Variants in ARPP21 observed in about 807,000 individuals in gnomAD.
ARPP21 encodes the protein cAMP regulated phosphoprotein 21, also known as cAMP-regulated phosphoprotein 21.
Under a neutral mutation model 113.2 loss-of-function variants are expected in ARPP21, and 69 were observed. The observed-to-expected ratio is 0.61, with a 90% CI of 0.50 to 0.74. The LOEUF is 0.74. ARPP21 is among the 30% of genes least tolerant of loss of function. ARPP21 has a pLI of 0.00. For missense variants in ARPP21, 1,070 were observed against 1,037.4 expected (o/e 1.03, Z -0.43); for synonymous variants, 368 against 375.5 (o/e 0.98, Z 0.23).
intron 19 of ARPP21, among the ~76,000 whole-genome samples, chr3:35,790,093 T>A (rs541924844): frequency 6.6e-6 from 1 of 152,194 alleles, no homozygotes; most frequent in Non-Finnish European, 1.5e-5. Flanking sequence ...TTGTTTACAT[T>A]GTAACTGTAT....
At chr3:35,737,105 C>G in intron 15 of ARPP21, 73 bp from the exon 16 acceptor site, 4 of 890,756 alleles carry the variant, frequency 4.5e-6, no homozygotes, top group Non-Finnish European at 7.3e-6. Flanking sequence ...TTTTGAGTAT[C>G]TAACAGAGTG....
At chr3:35,732,788 GTTCTC>G (rs2094079232) in intron 15 of ARPP21, among the ~76,000 whole-genome samples, 1 of 152,166 alleles carries the variant, frequency 6.6e-6, no homozygotes, top group Non-Finnish European at 1.5e-5. Flanking sequence ...TTTTAGAGCT[GTTCTC>G]TTTCAAATGC....
intron 1 of ARPP21, chr3:35,678,955 G>A (rs1235889356): frequency 6.6e-6 from 1 of 151,958 alleles, no homozygotes; most frequent in Non-Finnish European, 1.5e-5. Context: ...ATTATTAGGA[G>A]CCCGTCTCTG....
chr3:35,769,690 G>A (rs1027986722), intron 19 of ARPP21, among the ~76,000 whole-genome samples: 38 of 152,046 alleles, frequency 2.5e-4, no homozygotes, highest in Admixed American at 6.6e-4. Context: ...TCTTAGGTTC[G>A]CTAGGCTAAC....
chr3:35,737,348 C>T lies in ARPP21; in HGVS notation c.1630C>T (p.Pro544Ser), dbSNP rs578190764. The change falls in exon 16 of 21, where the codon CCT (proline) becomes TCT (serine). Residue 544 changes from proline (P) to serine (S), a missense_variant. By Grantham distance (74) the Pro-to-Ser change is moderately conservative (BLOSUM62 -1). Coordinates refer to ENST00000684406, the MANE Select transcript of ARPP21 (RefSeq NM_001385562.1). ...VQPPQPQMAG[P>S]LVTQSVQGLQ... ...GCCACCGCAGCCACAGATGGCAGGC[C>T]CTCTGGTCACTCAGGTAGGGGGCTG... 2.0e-5 allele frequency: 32 copies of T among 1,609,058 alleles called. No individual in the cohort carries two copies. In the South Asian group the frequency reaches 3.1e-4, roughly 16 times the overall value.
chr3:35,653,780 TC>T (rs2149029069), intron 1 of ARPP21, among the ~76,000 whole-genome samples: 1 of 152,184 alleles, frequency 6.6e-6, no homozygotes, highest in South Asian at 2.1e-4. Context: ...GTACTGACTA[TC>T]CATTAAAACA....
chr3:35,734,281 T>C (rs1022606681), intron 15 of ARPP21, among the ~76,000 whole-genome samples: 3 of 152,218 alleles, frequency 2.0e-5, no homozygotes, highest in African/African-American at 7.2e-5. Flanking sequence ...TAAATGGACT[T>C]ACACATTTTT....
chr3:35,783,740 G>T (rs567900960), intron 19 of ARPP21, among the ~76,000 whole-genome samples: 1 of 152,020 alleles, frequency 6.6e-6, no homozygotes, highest in Non-Finnish European at 1.5e-5. Flanking sequence ...TTTATAGCAC[G>T]CTTTTCAAGA....
In ARPP21 at chr3:35,715,454, G is replaced by C; in HGVS notation, c.913G>C (p.Glu305Gln). The change falls in exon 12 of 21, where the codon GAA (glutamate) becomes CAA (glutamine). Residue 305 changes from glutamate (E) to glutamine (Q), a missense_variant. Physicochemically the swap from Glu to Gln is conservative, Grantham distance 29. Transcript: ENST00000684406. ...IFAHDSVCSQ[E>Q]SLFVENSRLL... ...TATTTTTCAGTCAGTTTGCTCCCAG[G>C]AAAGCCTTTTTGTGGAAAACAGGTA... 6.2e-7 allele frequency: 1 copy of C among 1,613,146 alleles called. No homozygotes were observed. The highest frequency in any genetic ancestry group is 8.5e-7 in the Non-Finnish European group (1 of 1,179,504).
Position 35,738,323 on chromosome 3 carries a change from T to C in ARPP21, c.1749+5T>C, listed in dbSNP as rs918535048. 3 of 1,513,542 alleles carry C rather than the reference T, an allele frequency of 2.0e-6. No homozygotes were observed. The highest frequency in any genetic ancestry group is 2.8e-5 in the African/African-American group (2 of 72,486). 93.8% of individuals were successfully genotyped at this position (1,513,542 alleles called of 1,614,324 possible). A position where few individuals can be genotyped will look rare whatever the true frequency, so the allele number is the denominator to read the frequency against. On this transcript the variant is annotated splice_donor_5th_base_variant and intron_variant, in intron 17 of 20. Coordinates refer to ENST00000684406, the MANE Select transcript of ARPP21 (RefSeq NM_001385562.1). Reference sequence around the variant, plus strand: ...CCAACGCAGCACTTTCCCATGGTACTGTATTATGTGTATATGACTTTTTCC... The same window carrying C: ...CCAACGCAGCACTTTCCCATGGTACCGTATTATGTGTATATGACTTTTTCC...
intron 5 of ARPP21, 43 bp from the exon 6 acceptor site, chr3:35,687,696 T>C: frequency 3.8e-6 from 6 of 1,558,452 alleles, no homozygotes; most frequent in Non-Finnish European, 5.2e-6. Flanking sequence ...CAGACAGAGA[T>C]GATTAAACCT....
At chr3:35,729,187 C>A in intron 14 of ARPP21, 116 bp from the exon 15 acceptor site, 1 of 670,498 alleles carries the variant, frequency 1.5e-6, no homozygotes, top group Non-Finnish European at 2.6e-6. Flanking sequence ...CATCCTACAG[C>A]ATGCGTCTCA....
intron 1 of ARPP21, among the ~76,000 whole-genome samples, chr3:35,655,428 A>G (rs1389641482): frequency 6.6e-6 from 1 of 152,066 alleles, no homozygotes; most frequent in Non-Finnish European, 1.5e-5. Flanking sequence ...ATAGAAGAGA[A>G]TCAATGAAGA....
At chr3:35,649,914 A>G (rs1029333963) in intron 1 of ARPP21, among the ~76,000 whole-genome samples, 1 of 152,174 alleles carries the variant, frequency 6.6e-6, no homozygotes, top group African/African-American at 2.4e-5. Context: ...AGATGATTAC[A>G]AATGAAATGA....
chr3:35,725,257 G>C (rs1299939839), intron 14 of ARPP21, among the ~76,000 whole-genome samples: 1 of 152,152 alleles, frequency 6.6e-6, no homozygotes, highest in East Asian at 1.9e-4. Flanking sequence ...AGATTTCAAA[G>C]GGATGGCTCC....
intron 19 of ARPP21, among the ~76,000 whole-genome samples, chr3:35,751,916 C>T (rs1249389426): frequency 6.6e-6 from 1 of 152,048 alleles, no homozygotes; most frequent in Non-Finnish European, 1.5e-5. Flanking sequence ...AAAGAGAGCA[C>T]ACAAATAAGA....
intron 1 of ARPP21, among the ~76,000 whole-genome samples, chr3:35,662,958 A>G (rs1460805270): frequency 6.6e-6 from 1 of 152,166 alleles, no homozygotes; most frequent in Non-Finnish European, 1.5e-5. Flanking sequence ...GAAGTTGATT[A>G]AAGGGTACAA....
intron 11 of ARPP21, among the ~76,000 whole-genome samples, chr3:35,710,623 A>G (rs1209418967): frequency 1.3e-5 from 2 of 151,736 alleles, no homozygotes; most frequent in Non-Finnish European, 2.9e-5. Flanking sequence ...AGGTCAAGTA[A>G]TTTATGAATG....
At chr3:35,677,345 C>T (rs4678792) in intron 1 of ARPP21, among the ~76,000 whole-genome samples, 12,915 of 151,746 alleles carry the variant, frequency 0.085, 694 homozygotes, top group Non-Finnish European at 0.12. Context: ...TGAAAGACAG[C>T]ATATCATATG....
Sources: gnomAD v4.1 joint callset for allele counts (sites outside exome capture counted in the v4.1 genomes callset) on GRCh38, gnomAD v4.1.1 for gene constraint, MANE v1.5 for transcripts, NCBI Gene and HGNC (gene_info 2026-07-23, HGNC 2026-07-21) for gene names.